The following TMCC1 variants were observed in gnomAD, a reference collection of about 807,000 sequenced individuals.
The protein encoded by TMCC1 is transmembrane and coiled-coil domains protein 1.
TMCC1 carries 15 observed loss-of-function variants against 52.4 expected under a neutral mutation model. The observed-to-expected ratio is 0.29, with a 90% CI of 0.19 to 0.44. The LOEUF is 0.44. TMCC1 is among the 20% of genes least tolerant of loss of function. The pLI, the probability that TMCC1 is intolerant of heterozygous loss-of-function variation, is 1.00. For missense variants in TMCC1, 503 were observed against 806.0 expected, an observed-to-expected ratio of 0.62 and a Z score of 4.55; for synonymous variants, 279 against 301.9, an observed-to-expected ratio of 0.92 and a Z score of 0.79.
intron 1 of TMCC1, chr3:129,892,875 C>T (rs2062037329): frequency 1.3e-5 from 2 of 152,280 alleles, no homozygotes; most frequent in Non-Finnish European, 2.9e-5. Flanking sequence ...CCTCTTTCCC[C>T]TATCCTACAG....
chr3:129,854,788 G>T (rs777719229), intron 2 of TMCC1, among the ~76,000 whole-genome samples: 59 of 152,304 alleles, frequency 3.9e-4, no homozygotes, highest in Admixed American at 3.1e-3. Flanking sequence ...TCTCACTAAT[G>T]TAAGTGTTAC....
intron 4 of TMCC1, among the ~76,000 whole-genome samples, chr3:129,762,111 A>G (rs1015857257): frequency 6.8e-6 from 1 of 147,164 alleles, no homozygotes; most frequent in Non-Finnish European, 1.5e-5. Flanking sequence ...ATCTTGGCTC[A>G]CTGCAGCCTC....
intron 2 of TMCC1, chr3:129,866,891 T>G (rs1265226693): frequency 1.3e-5 from 2 of 152,208 alleles, no homozygotes; most frequent in Non-Finnish European, 2.9e-5. Context: ...GAAATACTTT[T>G]GAAAAACAAA....
rs201069321 is a variant in TMCC1 at position 129,730,171 on chromosome 3, A to G, written c.577-58907T>C. ...GTCAGGAACCATCTGTATTCTGAAT[A>G]TAAGTCCTTTGTCAGATATGTGATT... On this transcript the variant is annotated intron_variant, in intron 4 of 6. Transcript: ENST00000393238. 3.5e-4 allele frequency among the ~76,000 whole-genome samples: 53 copies of G among 152,288 alleles called. No individual in the cohort carries two copies. The East Asian group carries it at 9.4e-3, about 27-fold the overall frequency.
chr3:129,857,085 A>AT (rs1303316856), intron 2 of TMCC1, among the ~76,000 whole-genome samples: 2 of 151,822 alleles, frequency 1.3e-5, no homozygotes, highest in Admixed American at 6.6e-5. Context: ...AACCCGGTTA[A>AT]TTTTTTTTGT....
In TMCC1 at chr3:129,648,258, T is replaced by C. The variant is rs2086136726; in HGVS notation, c.*3223A>G. On this transcript the variant is annotated 3_prime_UTR_variant, in exon 7 of 7. Coordinates refer to ENST00000393238, the MANE Select transcript of TMCC1 (RefSeq NM_001017395.5). ...CTCAGCATTTTCATCTGACTGTACC[T>C]CAAAGGAACATGAAATCAGAAACAA... 1 of 152,192 alleles carries C rather than the reference T, an allele frequency of 6.6e-6. No homozygotes were observed. Among genetic ancestry groups the C allele is most frequent in the South Asian group, 2.1e-4 (1 of 4,828 alleles). The allele number at this position is 152,192 out of a possible 1,614,324, so 9.4% of individuals were successfully genotyped here.
intron 4 of TMCC1, among the ~76,000 whole-genome samples, chr3:129,690,066 A>G (rs2089679362): frequency 6.6e-6 from 1 of 152,224 alleles, no homozygotes; most frequent in Non-Finnish European, 1.5e-5. Flanking sequence ...AGAAAGCAAA[A>G]ACTATCTGTA....
chr3:129,797,760 C>T (rs2056932134), intron 4 of TMCC1, among the ~76,000 whole-genome samples: 1 of 152,080 alleles, frequency 6.6e-6, no homozygotes, highest in Non-Finnish European at 1.5e-5. Flanking sequence ...AACAAACAAA[C>T]AAATCTTTTA....
chr3:129,790,066 C>G (rs913009365), intron 4 of TMCC1, among the ~76,000 whole-genome samples: 1 of 152,050 alleles, frequency 6.6e-6, no homozygotes, highest in Admixed American at 6.6e-5. Flanking sequence ...AAAGAAAGCT[C>G]TCAAATAGAA....
chr3:129,650,831 A>G lies in TMCC1; in HGVS notation c.*650T>C, dbSNP rs2086280848. 6.5e-6 allele frequency: 1 copy of G among 152,992 alleles called. No individual in the cohort carries two copies. Among genetic ancestry groups the G allele is most frequent in the Non-Finnish European group, 1.5e-5 (1 of 68,316 alleles). 9.5% of individuals were successfully genotyped at this position (152,992 alleles called of 1,614,324 possible). A position where few individuals can be genotyped will look rare whatever the true frequency, so the allele number is the denominator to read the frequency against. ...GAGGGCTACTTAAAAATACTGTAGT[A>G]GGACTGTGCAGTGATCCTTTGGGGG... On this transcript the variant is annotated 3_prime_UTR_variant, in exon 7 of 7. Transcript: ENST00000393238.
At chr3:129,875,540 A>G (rs1472987897) in intron 2 of TMCC1, among the ~76,000 whole-genome samples, 2 of 150,840 alleles carry the variant, frequency 1.3e-5, no homozygotes, top group Admixed American at 6.6e-5. Context: ...CCCAAAAAAG[A>G]TTACTCATAC....
At chr3:129,826,553 C>T (rs1240791202) in intron 4 of TMCC1, among the ~76,000 whole-genome samples, 1 of 151,744 alleles carries the variant, frequency 6.6e-6, no homozygotes, top group African/African-American at 2.4e-5. Flanking sequence ...GGTACTTTTC[C>T]CCATTTAAAT....
intron 4 of TMCC1, among the ~76,000 whole-genome samples, chr3:129,728,509 C>T (rs1236382477): frequency 6.6e-6 from 1 of 152,192 alleles, no homozygotes; most frequent in Non-Finnish European, 1.5e-5. Flanking sequence ...TGGTTTTGAA[C>T]TCCTGACCTT....
intron 1 of TMCC1, among the ~76,000 whole-genome samples, chr3:129,887,177 C>T (rs1237856180): frequency 6.6e-5 from 10 of 151,684 alleles, no homozygotes; most frequent in African/African-American, 9.7e-5. Flanking sequence ...GCCACTTAAC[C>T]GTAGATTTAA....
chr3:129,668,862 T>C (rs2087684535), intron 5 of TMCC1, among the ~76,000 whole-genome samples: 1 of 152,226 alleles, frequency 6.6e-6, no homozygotes, highest in Admixed American at 6.5e-5. Context: ...TGACCTTGGG[T>C]GGTCCACCCA....
At chr3:129,817,744 T>C (rs987239707) in intron 4 of TMCC1, among the ~76,000 whole-genome samples, 1 of 151,980 alleles carries the variant, frequency 6.6e-6, no homozygotes, top group African/African-American at 2.4e-5. Context: ...ACCTCCTGGG[T>C]TCAAGTGATT....
At chr3:129,865,203 T>C (rs1346444220) in intron 2 of TMCC1, among the ~76,000 whole-genome samples, 3 of 152,130 alleles carry the variant, frequency 2.0e-5, no homozygotes, top group South Asian at 2.1e-4. Flanking sequence ...CATTTTTTTT[T>C]CCCTGTAGTG....
intron 1 of TMCC1, among the ~76,000 whole-genome samples, chr3:129,890,250 C>G (rs2061904108): frequency 6.6e-6 from 1 of 152,248 alleles, no homozygotes; most frequent in African/African-American, 2.4e-5. Context: ...CACCTATACC[C>G]ATTTAACTTA....
rs530431669 is a variant in TMCC1, at chr3:129,680,148, CAT to C, written c.577-8886_577-8885del. ...TTTAGTATTCTCGTTTTATTAAAAACATGTGTTAAATGCCCAAAATTATTTTT... is the reference window on the plus strand; with the variant it reads ...TTTAGTATTCTCGTTTTATTAAAAACGTGTTAAATGCCCAAAATTATTTTT... On this transcript the variant is annotated intron_variant, in intron 4 of 6. Transcript: ENST00000393238. Among the ~76,000 whole-genome samples the C allele has an allele frequency of 4.6e-4, 70 of 152,270 alleles. 1 individual carries two copies. The highest frequency in any genetic ancestry group is 3.4e-3 in the Middle Eastern group (1 of 294).
Sources: gnomAD v4.1 joint callset for allele counts (sites outside exome capture counted in the v4.1 genomes callset) on GRCh38, gnomAD v4.1.1 for gene constraint, MANE v1.5 for transcripts, NCBI Gene and HGNC (gene_info 2026-07-23, HGNC 2026-07-21) for gene names.